The following THSD4 variants were observed in gnomAD, a reference collection of about 807,000 sequenced individuals.
The protein encoded by THSD4 is thrombospondin type-1 domain-containing protein 4.
In THSD4, 69 loss-of-function variants were observed where a neutral mutation model predicts 119.0. The ratio of observed to expected loss-of-function variants is 0.58; its 90% CI spans 0.48 to 0.71. The LOEUF is 0.71. Ranked by LOEUF, THSD4 falls within the 30% of genes least tolerant of loss-of-function variation. The probability of loss-of-function intolerance (pLI) is 0.00; values close to 1 mark genes in which losing one functional copy is unlikely to be tolerated. For missense variants in THSD4, 1,393 were observed against 1,391.1 expected (o/e 1.00, Z -0.02); for synonymous variants, 524 against 540.4 (o/e 0.97, Z 0.42).
intron 4 of THSD4, among the ~76,000 whole-genome samples, chr15:71,227,626 C>A (rs2044029162): frequency 6.6e-6 from 1 of 152,168 alleles, no homozygotes; most frequent in African/African-American, 2.4e-5. Flanking sequence ...CTCAACCAGC[C>A]CCAGTTTACA....
chr15:71,584,807 G>A (rs1197722617), intron 7 of THSD4, among the ~76,000 whole-genome samples: 2 of 151,812 alleles, frequency 1.3e-5, no homozygotes, highest in African/African-American at 4.8e-5. Flanking sequence ...TTTGCAATTT[G>A]ACAATTTTTT....
At chr15:71,505,443 C>T (rs546397584) in intron 7 of THSD4, among the ~76,000 whole-genome samples, 5 of 152,112 alleles carry the variant, frequency 3.3e-5, no homozygotes, top group African/African-American at 1.2e-4. Flanking sequence ...AGCTGAAATG[C>T]AAAATTAGAT....
At chr15:71,278,930 G>T (rs1309168874) in intron 6 of THSD4, among the ~76,000 whole-genome samples, 1 of 152,186 alleles carries the variant, frequency 6.6e-6, no homozygotes, top group Non-Finnish European at 1.5e-5. Flanking sequence ...TTGTCCAGGG[G>T]ATTGAAGTTT....
chr15:71,463,400 T>C (rs2047453055), intron 7 of THSD4, among the ~76,000 whole-genome samples: 1 of 152,204 alleles, frequency 6.6e-6, no homozygotes. Flanking sequence ...TTTGAGAACA[T>C]GTTTCAGCCA....
At chr15:71,292,351 A>G (rs1277122374) in intron 6 of THSD4, among the ~76,000 whole-genome samples, 2 of 151,962 alleles carry the variant, frequency 1.3e-5, no homozygotes, top group Non-Finnish European at 2.9e-5. Flanking sequence ...GTAGAAACTC[A>G]TGCTTGTGTA....
At chr15:71,649,295 CAG>C (rs1176906085) in intron 7 of THSD4, among the ~76,000 whole-genome samples, 1 of 136,674 alleles carries the variant, frequency 7.3e-6, no homozygotes, top group South Asian at 2.4e-4. Context: ...TTTTTTGAGA[CAG>C]AGTTTCATTC....
In THSD4 at chr15:71,422,431, T is replaced by C. The variant is rs570545207; in HGVS notation, c.1152+10608T>C. Reference sequence around the variant, plus strand: ...TTAAGCCCAGTAATGCTGTGGCTCTTGCAGACTCATAGAGGTGCCACCTTG... The same window carrying C: ...TTAAGCCCAGTAATGCTGTGGCTCTCGCAGACTCATAGAGGTGCCACCTTG... On this transcript the variant is annotated intron_variant, in intron 7 of 17. Transcript: ENST00000261862. Among the ~76,000 whole-genome samples, 10 of 152,338 alleles carry C rather than the reference T, an allele frequency of 6.6e-5. No homozygotes were observed. The South Asian group carries it at 2.1e-3, about 32-fold the overall frequency.
chr15:71,134,261 G>A (rs969794489), intron 1 of THSD4, among the ~76,000 whole-genome samples: 7 of 152,222 alleles, frequency 4.6e-5, no homozygotes, highest in South Asian at 2.1e-4. Flanking sequence ...AAATGTGACC[G>A]GGCCTGGGGC....
chr15:71,217,056 C>G (rs1444364348), intron 4 of THSD4, among the ~76,000 whole-genome samples: 1 of 152,180 alleles, frequency 6.6e-6, no homozygotes, highest in Non-Finnish European at 1.5e-5. Flanking sequence ...CTCGGTCTCC[C>G]AAAGTGCTGG....
At chr15:71,411,657 A>G in intron 6 of THSD4, 30 bp from the exon 7 acceptor site, 1 of 1,587,830 alleles carries the variant, frequency 6.3e-7, no homozygotes, top group Non-Finnish European at 8.6e-7. Context: ...CCTTATCTTT[A>G]TTTTATTTTA....
intron 7 of THSD4, among the ~76,000 whole-genome samples, chr15:71,439,649 G>A (rs1731127459): frequency 6.6e-6 from 1 of 152,186 alleles, no homozygotes; most frequent in African/African-American, 2.4e-5. Context: ...TAAAGAAAAT[G>A]TGGCACGTAT....
At chr15:71,561,908 A>G (rs898289303) in intron 7 of THSD4, among the ~76,000 whole-genome samples, 1 of 36,892 alleles carries the variant, frequency 2.7e-5, no homozygotes, top group African/African-American at 1.4e-4. Context: ...ACACACACAC[A>G]CACACACACA....
intron 8 of THSD4, among the ~76,000 whole-genome samples, chr15:71,673,933 T>C (rs971671190): frequency 6.6e-6 from 1 of 152,208 alleles, no homozygotes. Flanking sequence ...TATACTTTTC[T>C]TCTTAGACAT....
intron 7 of THSD4, among the ~76,000 whole-genome samples, chr15:71,568,854 C>A (rs1316011664): frequency 2.6e-5 from 4 of 152,050 alleles, no homozygotes; most frequent in African/African-American, 9.7e-5. Flanking sequence ...GGTTTTTTGT[C>A]CTTGCTATAG....
chr15:71,521,342 A>AT (rs2048438040), intron 7 of THSD4, among the ~76,000 whole-genome samples: 1 of 152,204 alleles, frequency 6.6e-6, no homozygotes, highest in Admixed American at 6.5e-5. Context: ...TATGTGGGGT[A>AT]TTTTTAAAAG....
In THSD4 at chr15:71,743,258, C is replaced by A. The variant is rs73432411; in HGVS notation, c.1907-1848C>A. Reference sequence around the variant, plus strand: ...AAGACACAGAGCATTCCTATGGGAGCCTGTATCCTTTTGATTAAAAAAATT... The same window carrying A: ...AAGACACAGAGCATTCCTATGGGAGACTGTATCCTTTTGATTAAAAAAATT... On this transcript the variant is annotated intron_variant, in intron 11 of 17. Coordinates refer to ENST00000261862, the MANE Select transcript of THSD4 (RefSeq NM_024817.3). Among the ~76,000 whole-genome samples, 234 of 152,204 alleles carry A rather than the reference C, an allele frequency of 1.5e-3. 3 individuals are homozygous for A. The highest frequency in any genetic ancestry group is 5.3e-3 in the African/African-American group (222 of 41,504).
chr15:71,370,731 G>T (rs2046033192), intron 6 of THSD4, among the ~76,000 whole-genome samples: 1 of 152,220 alleles, frequency 6.6e-6, no homozygotes, highest in African/African-American at 2.4e-5. Context: ...TAAGTGCAAT[G>T]TGGTGCTGAG....
intron 14 of THSD4, among the ~76,000 whole-genome samples, chr15:71,755,040 A>G (rs961503255): frequency 5.3e-5 from 8 of 152,210 alleles, no homozygotes; most frequent in Non-Finnish European, 8.8e-5. Context: ...CTCCAGTGAT[A>G]AGAATCTTCT....
chr15:71,560,610 C>T (rs73443860), intron 7 of THSD4, among the ~76,000 whole-genome samples: 6,244 of 152,152 alleles, frequency 0.041, 449 homozygotes, highest in African/African-American at 0.14. Flanking sequence ...TCTGTGGAAG[C>T]TTGTAAAGAT....
Sources: allele counts gnomAD v4.1 joint callset (sites outside exome capture counted in the v4.1 genomes callset), GRCh38; gene constraint gnomAD v4.1.1; transcripts MANE v1.5; gene names NCBI Gene and HGNC (gene_info 2026-07-23, HGNC 2026-07-21).